The following TMEM117 variants were observed in gnomAD, a reference collection of about 807,000 sequenced individuals.
TMEM117 encodes transmembrane protein 117.
Under a neutral mutation model 52.4 loss-of-function variants are expected in TMEM117, and 27 were observed. That is an observed-to-expected ratio of 0.51 (90% CI 0.38 to 0.71). The LOEUF (loss-of-function observed/expected upper bound fraction) is 0.71. Ranked by LOEUF, TMEM117 falls within the 30% of genes least tolerant of loss-of-function variation. TMEM117 has a pLI of 0.00. For synonymous variants in TMEM117, 215 were observed against 206.3 expected (o/e 1.04, Z -0.36); for missense variants, 556 against 630.5 (o/e 0.88, Z 1.26).
Position 44,266,977 on chromosome 12 carries a change from A to G in TMEM117, c.609-32603A>G, listed in dbSNP as rs577487070. On this transcript the variant is annotated intron_variant, in intron 5 of 7. Transcript: ENST00000266534. ...TCTCAATTCTGTTTTGCCTATGTAT[A>G]TATCTTTCTTTATGCCAAGGGTCCC... 1.1e-4 allele frequency among the ~76,000 whole-genome samples: 16 copies of G among 152,158 alleles called. No homozygotes were observed. In the South Asian group the frequency reaches 1.7e-3, roughly 16 times the overall value.
chr12:43,811,003 A>G, the TMEM117 span, among the ~76,000 whole-genome samples: 1 of 152,224 alleles, frequency 6.6e-6, no homozygotes, highest in African/African-American at 2.4e-5. Context: ...TAAGATAATT[A>G]TATTGGCACA....
At chr12:44,181,963 A>G (rs1451285217) in intron 4 of TMEM117, among the ~76,000 whole-genome samples, 1 of 152,034 alleles carries the variant, frequency 6.6e-6, no homozygotes. Flanking sequence ...CATTTTCATG[A>G]TATTGATTCT....
the TMEM117 span, chr12:43,806,427 G>C: frequency 8.8e-7 from 1 of 1,131,606 alleles, no homozygotes; most frequent in Non-Finnish European, 1.1e-6. Context: ...CGCCCTTCCT[G>C]GCCGCCGGGC....
intron 2 of TMEM117, among the ~76,000 whole-genome samples, chr12:43,865,847 G>A (rs1456749116): frequency 6.6e-6 from 1 of 151,694 alleles, no homozygotes; most frequent in Non-Finnish European, 1.5e-5. Context: ...AATTTGAAAT[G>A]ATTAGCCAAT....
Position 43,982,014 on chromosome 12 carries a change from T to C in TMEM117, c.410+37672T>C, listed in dbSNP as rs1945769161. 2.0e-5 allele frequency among the ~76,000 whole-genome samples: 3 copies of C among 152,178 alleles called. No homozygotes were observed. The South Asian group carries it at 6.2e-4, about 32-fold the overall frequency. Reference sequence around the variant, plus strand: ...ATAGCTAGAAGAGAGCCTTTGAATGTTCTCATCACAAAGAAAGGATAAATG... The same window carrying C: ...ATAGCTAGAAGAGAGCCTTTGAATGCTCTCATCACAAAGAAAGGATAAATG... On this transcript the variant is annotated intron_variant, in intron 3 of 7. Coordinates refer to ENST00000266534, the MANE Select transcript of TMEM117 (RefSeq NM_032256.3).
At chr12:44,375,776 A>G (rs748671954) in intron 6 of TMEM117, among the ~76,000 whole-genome samples, 6 of 152,170 alleles carry the variant, frequency 3.9e-5, no homozygotes, top group Non-Finnish European at 7.3e-5. Context: ...CTATGGATCT[A>G]TCTCAAATGT....
chr12:44,082,919 A>G (rs571931762), intron 3 of TMEM117, among the ~76,000 whole-genome samples: 1 of 152,196 alleles, frequency 6.6e-6, no homozygotes, highest in East Asian at 1.9e-4. Flanking sequence ...GTATGTGTAT[A>G]TATAGCCAAA....
chr12:44,158,679 G>T (rs1007204452), intron 4 of TMEM117, among the ~76,000 whole-genome samples: 15 of 152,048 alleles, frequency 9.9e-5, no homozygotes, highest in Admixed American at 3.9e-4. Context: ...GAGTTTAAAT[G>T]TTGGGTCTAG....
chr12:43,917,272 G>A (rs532231657), intron 2 of TMEM117, among the ~76,000 whole-genome samples: 9 of 149,620 alleles, frequency 6.0e-5, no homozygotes, highest in African/African-American at 2.2e-4. Flanking sequence ...GTGGTGGCAC[G>A]AGCCTGTAGT....
At chr12:44,171,325 A>G (rs1195272736) in intron 4 of TMEM117, among the ~76,000 whole-genome samples, 1 of 152,158 alleles carries the variant, frequency 6.6e-6, no homozygotes, top group East Asian at 1.9e-4. Flanking sequence ...TTTATTAATA[A>G]ATATCTTGAG....
At chr12:44,007,407 T>C (rs1316322425) in intron 3 of TMEM117, among the ~76,000 whole-genome samples, 1 of 152,192 alleles carries the variant, frequency 6.6e-6, no homozygotes, top group African/African-American at 2.4e-5. Flanking sequence ...TTTCCTCTTT[T>C]TTTTTCTTGC....
chr12:43,932,497 C>T (rs543623457), intron 2 of TMEM117, among the ~76,000 whole-genome samples: 16 of 152,102 alleles, frequency 1.1e-4, no homozygotes, highest in East Asian at 3.9e-4. Context: ...AAGATCTTTA[C>T]GCTTGGCTTA....
intron 2 of TMEM117, among the ~76,000 whole-genome samples, chr12:43,888,396 C>T (rs907205121): frequency 2.6e-5 from 4 of 151,996 alleles, no homozygotes; most frequent in Non-Finnish European, 1.5e-5. Flanking sequence ...ATTATGTGCT[C>T]TTTGTTAGTA....
At chr12:44,384,217 A>T (rs908984496) in intron 7 of TMEM117, among the ~76,000 whole-genome samples, 2 of 152,192 alleles carry the variant, frequency 1.3e-5, no homozygotes, top group African/African-American at 4.8e-5. Context: ...CTGTAAACAG[A>T]TAAATGAACT....
At chr12:44,319,284 C>G (rs1167087814) in intron 6 of TMEM117, among the ~76,000 whole-genome samples, 1 of 152,194 alleles carries the variant, frequency 6.6e-6, no homozygotes, top group African/African-American at 2.4e-5. Context: ...TGCAGGAATT[C>G]CTGGTATCTT....
At chr12:44,182,420 C>A (rs931078059) in intron 4 of TMEM117, among the ~76,000 whole-genome samples, 1 of 152,158 alleles carries the variant, frequency 6.6e-6, no homozygotes, top group African/African-American at 2.4e-5. Flanking sequence ...AGAGGGCATC[C>A]CTGTCTTGTG....
Position 44,244,846 on chromosome 12 carries a change from A to G in TMEM117, c.608+33459A>G, listed in dbSNP as rs371459813. Among the ~76,000 whole-genome samples, 26 of 151,952 alleles carry G rather than the reference A, an allele frequency of 1.7e-4. No homozygotes were observed. In the South Asian group the frequency reaches 5.4e-3, roughly 32 times the overall value. On this transcript the variant is annotated intron_variant, in intron 5 of 7. Coordinates refer to ENST00000266534, the MANE Select transcript of TMEM117 (RefSeq NM_032256.3). Reference sequence around the variant, plus strand: ...TTCAGGTCTTAGGTTTAAGTCTTTAACTCACTCTGTGTTGACTTTTGTATA... The same window carrying G: ...TTCAGGTCTTAGGTTTAAGTCTTTAGCTCACTCTGTGTTGACTTTTGTATA...
intron 3 of TMEM117, among the ~76,000 whole-genome samples, chr12:44,018,780 C>T (rs191257338): frequency 0.012 from 1,766 of 149,308 alleles, 20 homozygotes; most frequent in South Asian, 0.049. Flanking sequence ...AGTGCAGTGG[C>T]GCAATCTTGG....
At chr12:44,300,444 A>AT (rs1950825240) in intron 6 of TMEM117, among the ~76,000 whole-genome samples, 3 of 150,896 alleles carry the variant, frequency 2.0e-5, no homozygotes, top group Admixed American at 6.6e-5. Context: ...TTCATAAGGC[A>AT]ATTTTTTTCC....
Sources: gnomAD v4.1 joint callset for allele counts (sites outside exome capture counted in the v4.1 genomes callset) on GRCh38, gnomAD v4.1.1 for gene constraint, MANE v1.5 for transcripts, NCBI Gene and HGNC (gene_info 2026-07-23, HGNC 2026-07-21) for gene names.